The following CAMK2B variants were observed in gnomAD, a reference collection of about 807,000 sequenced individuals.
The protein encoded by CAMK2B is calcium/calmodulin-dependent protein kinase type II subunit beta.
A neutral mutation model predicts 93.7 loss-of-function variants in CAMK2B; 27 were observed. The observed-to-expected ratio is 0.29, with a 90% CI of 0.21 to 0.40. The LOEUF (loss-of-function observed/expected upper bound fraction) is 0.40. Ranked by LOEUF, CAMK2B falls within the 10% of genes least tolerant of loss-of-function variation. The probability of loss-of-function intolerance (pLI) is 1.00; values close to 1 mark genes in which losing one functional copy is unlikely to be tolerated. For missense variants in CAMK2B, 568 were observed against 895.8 expected, an observed-to-expected ratio of 0.63 and a Z score of 4.67; for synonymous variants, 374 against 358.8, an observed-to-expected ratio of 1.04 and a Z score of -0.48.
In CAMK2B at chr7:44,243,544, G is replaced by C; in HGVS notation, c.415-17C>G. ...GTTCTCCGGCTGCAGGGAGGTGACCGGCACAAGGGTGCATGTTGTTTAAAC... is the reference window on the plus strand; with the variant it reads ...GTTCTCCGGCTGCAGGGAGGTGACCCGCACAAGGGTGCATGTTGTTTAAAC... On this transcript the variant is annotated splice_polypyrimidine_tract_variant and intron_variant, in intron 6 of 23. Transcript: ENST00000395749. 1 of 1,605,182 alleles carries C rather than the reference G, an allele frequency of 6.2e-7. No homozygotes were observed. The highest frequency in any genetic ancestry group is 8.5e-7 in the Non-Finnish European group (1 of 1,172,312).
intron 3 of CAMK2B, among the ~76,000 whole-genome samples, chr7:44,261,430 G>A (rs1018772642): frequency 2.4e-4 from 37 of 152,316 alleles, no homozygotes; most frequent in African/African-American, 8.7e-4. Context: ...TGCTCCCTGG[G>A]GGCGCTGCAG....
At chr7:44,243,382 C>G in intron 7 of CAMK2B, 43 bp downstream of exon 7, 5 of 1,611,194 alleles carry the variant, frequency 3.1e-6, no homozygotes, top group Non-Finnish European at 4.2e-6. Context: ...TCACCTCCTG[C>G]CCTGCCAACT....
At chr7:44,253,734 G>A (rs941144913) in intron 5 of CAMK2B, among the ~76,000 whole-genome samples, 11 of 152,034 alleles carry the variant, frequency 7.2e-5, no homozygotes, top group Non-Finnish European at 1.3e-4. Flanking sequence ...AGTGGCTGAT[G>A]TGCATGTGTG....
intron 23 of CAMK2B, 106 bp downstream of exon 23, chr7:44,219,954 A>AC: frequency 7.8e-6 from 5 of 641,570 alleles, no homozygotes; most frequent in Middle Eastern, 4.0e-4. Flanking sequence ...CTTCCCAGGC[A>AC]TGGCTCTGCA....
chr7:44,256,411 ATAT>A (rs1442865897), intron 4 of CAMK2B, among the ~76,000 whole-genome samples: 2 of 151,864 alleles, frequency 1.3e-5, no homozygotes, highest in Non-Finnish European at 2.9e-5. Flanking sequence ...ATGTTCATGT[ATAT>A]TGTTTTGCAT....
intron 3 of CAMK2B, among the ~76,000 whole-genome samples, chr7:44,260,659 C>T (rs1166324788): frequency 6.6e-6 from 1 of 152,208 alleles, no homozygotes; most frequent in Non-Finnish European, 1.5e-5. Context: ...ACTAGGTAAA[C>T]CACAGTTCTG....
At position 44,242,338 on chromosome 7, in the gene CAMK2B, G is replaced by A. The variant is rs747807389; in HGVS notation, c.699C>T (p.Phe233=). The A allele has an allele frequency of 2.7e-5, 43 of 1,613,346 alleles. No individual in the cohort carries two copies. Among genetic ancestry groups the A allele is most frequent in the Non-Finnish European group, 3.4e-5 (40 of 1,179,544 alleles). ...YQQIKAGAYD[F]PSPEWDTVTP... ...TGACGGTGTCCCACTCAGGGGACGG[G>A]AACTGCAGAAGGAAACAGCGCCCCG... The change falls in exon 10 of 24, where the codon TTC becomes TTT. Residue 233 remains phenylalanine (F), a splice_region_variant and synonymous_variant. Coordinates refer to ENST00000395749, the MANE Select transcript of CAMK2B (RefSeq NM_001220.5).
intron 20 of CAMK2B, among the ~76,000 whole-genome samples, chr7:44,221,636 C>T (rs2096408509): frequency 6.6e-6 from 1 of 152,236 alleles, no homozygotes; most frequent in Non-Finnish European, 1.5e-5. Context: ...GTCCGGGGCC[C>T]ACATGCTACC....
intron 23 of CAMK2B, 50 bp downstream of exon 23, chr7:44,220,010 C>T (rs1392811913): frequency 1.2e-5 from 17 of 1,451,222 alleles, no homozygotes; most frequent in Non-Finnish European, 1.5e-5. Flanking sequence ...CAGCCACTCA[C>T]ACCACCGCCA....
chr7:44,240,445 G>C (rs932185982), intron 12 of CAMK2B, among the ~76,000 whole-genome samples: 2 of 152,206 alleles, frequency 1.3e-5, no homozygotes, highest in Non-Finnish European at 2.9e-5. Flanking sequence ...CAGTGGGGCA[G>C]CACAGACGCT....
intron 13 of CAMK2B, among the ~76,000 whole-genome samples, chr7:44,238,304 C>T (rs1243899769): frequency 1.3e-5 from 2 of 152,232 alleles, no homozygotes; most frequent in Admixed American, 6.5e-5. Context: ...CGTCGCCCCA[C>T]GTTCACTTGC....
intron 18 of CAMK2B, 110 bp from the exon 19 acceptor site, chr7:44,229,034 TG>T: frequency 9.6e-7 from 1 of 1,044,050 alleles, no homozygotes; most frequent in South Asian, 1.3e-5. Flanking sequence ...CCTTGGGCCC[TG>T]GGATCAGGCC....
intron 1 of CAMK2B, among the ~76,000 whole-genome samples, chr7:44,296,823 A>C (rs1043208104): frequency 1.3e-5 from 2 of 152,224 alleles, no homozygotes; most frequent in Non-Finnish European, 2.9e-5. Context: ...ATCCAGAGAA[A>C]TTATCCATCA....
At chr7:44,316,985 A>G (rs1309522188) in intron 1 of CAMK2B, among the ~76,000 whole-genome samples, 1 of 152,078 alleles carries the variant, frequency 6.6e-6, no homozygotes, top group Non-Finnish European at 1.5e-5. Flanking sequence ...AGAGGTATTA[A>G]TCACCTTCTA....
intron 3 of CAMK2B, among the ~76,000 whole-genome samples, chr7:44,259,205 C>CACCT (rs1010955193): frequency 6.6e-6 from 1 of 152,222 alleles, no homozygotes; most frequent in Non-Finnish European, 1.5e-5. Flanking sequence ...CCAGTCTGGT[C>CACCT]ACCTGTCTCC....
At chr7:44,265,325 A>G (rs533592735) in intron 2 of CAMK2B, among the ~76,000 whole-genome samples, 2 of 152,316 alleles carry the variant, frequency 1.3e-5, no homozygotes, top group East Asian at 3.9e-4. Context: ...TATGACACTC[A>G]TGTCTCTAAG....
Position 44,226,606 on chromosome 7 carries a change from C to G in CAMK2B, c.1507G>C (p.Gly503Arg), listed in dbSNP as rs1229941607. The G allele has an allele frequency of 2.0e-6, 3 of 1,523,426 alleles. No homozygotes were observed. Among genetic ancestry groups the G allele is most frequent in the Non-Finnish European group, 2.6e-6 (3 of 1,144,684 alleles). The allele number at this position is 1,523,426 out of a possible 1,614,324, so 94.4% of individuals were successfully genotyped here. A position where few individuals can be genotyped will look rare whatever the true frequency, so the allele number is the denominator to read the frequency against. The part of the protein sequence containing the change: ...ISDILNSVRR[G>R]SGTPEAEGPS... ...CCCTCGGCTTCTGGGGTCCCTGAGC[C>G]CCTCCTCACAGAGTTCAGGATGTCA... The change falls in exon 20 of 24, where the codon GGC becomes CGC. Residue 503 changes from glycine (G) to arginine (R), a missense_variant. Gly to Arg is a moderately radical substitution (Grantham distance 125). Transcript: ENST00000395749.
intron 1 of CAMK2B, among the ~76,000 whole-genome samples, chr7:44,299,471 A>T (rs1789284441): frequency 6.6e-6 from 1 of 152,250 alleles, no homozygotes; most frequent in Non-Finnish European, 1.5e-5. Flanking sequence ...TGGTAGCACA[A>T]CAATGTGAAT....
chr7:44,275,250 G>C (rs1317284861), intron 2 of CAMK2B, among the ~76,000 whole-genome samples: 2 of 152,184 alleles, frequency 1.3e-5, no homozygotes, highest in African/African-American at 2.4e-5. Flanking sequence ...GGGTCATGGA[G>C]GCTCAGGAAC....
Sources: gnomAD v4.1 joint callset for allele counts (sites outside exome capture counted in the v4.1 genomes callset) on GRCh38, gnomAD v4.1.1 for gene constraint, MANE v1.5 for transcripts, NCBI Gene and HGNC (gene_info 2026-07-23, HGNC 2026-07-21) for gene names.